GLI2: variants seen among roughly 807,000 people sequenced by gnomAD.
GLI2 encodes transcription activator GLI2.
In GLI2, 22 loss-of-function variants were observed where a neutral mutation model predicts 78.9. That is an observed-to-expected ratio of 0.28 (90% CI 0.20 to 0.40). GLI2 has a LOEUF of 0.40. GLI2 is among the 10% of genes least tolerant of loss of function. GLI2 has a pLI of 1.00. For missense variants in GLI2, 2,097 were observed against 2,213.2 expected, an observed-to-expected ratio of 0.95 and a Z score of 1.05; for synonymous variants, 974 against 963.7, an observed-to-expected ratio of 1.01 and a Z score of -0.20.
intron 3 of GLI2, among the ~76,000 whole-genome samples, chr2:120,937,864 T>G (rs774978806): frequency 4.6e-5 from 7 of 152,198 alleles, no homozygotes; most frequent in Non-Finnish European, 1.0e-4. Flanking sequence ...AGAATCTCAC[T>G]GTGGAGGAGT....
chr2:120,751,287 C>A (rs1482159100), intron 1 of GLI2, among the ~76,000 whole-genome samples: 1 of 152,042 alleles, frequency 6.6e-6, no homozygotes, highest in Non-Finnish European at 1.5e-5. Flanking sequence ...ATCTTTTGGG[C>A]CTGTTTAATT....
intron 2 of GLI2, among the ~76,000 whole-genome samples, chr2:120,856,612 T>C (rs1573488211): frequency 2.0e-5 from 3 of 152,230 alleles, no homozygotes; most frequent in African/African-American, 7.2e-5. Context: ...CTGGCTCAGC[T>C]GCCTACAGAA....
intron 3 of GLI2, among the ~76,000 whole-genome samples, chr2:120,949,399 C>T (rs1413738418): frequency 2.6e-5 from 4 of 152,258 alleles, no homozygotes; most frequent in South Asian, 2.1e-4. Context: ...CCTCTGAGCA[C>T]CTGCATGACG....
chr2:120,777,449 G>A (rs538555547), intron 1 of GLI2, among the ~76,000 whole-genome samples: 1 of 152,188 alleles, frequency 6.6e-6, no homozygotes, highest in Admixed American at 6.5e-5. Context: ...CAGGCTTAGA[G>A]GGTGGGGGCC....
intron 2 of GLI2, among the ~76,000 whole-genome samples, chr2:120,805,918 A>T (rs537178809): frequency 8.5e-5 from 13 of 152,348 alleles, no homozygotes; most frequent in African/African-American, 3.1e-4. Flanking sequence ...CCAGGCATGC[A>T]CTATTAAATC....
intron 6 of GLI2, among the ~76,000 whole-genome samples, chr2:120,969,374 C>G (rs915292041): frequency 6.6e-6 from 1 of 152,150 alleles, no homozygotes; most frequent in Non-Finnish European, 1.5e-5. Context: ...CCCTTCTGTG[C>G]GGCTCTAGTC....
At chr2:120,880,224 G>A (rs1573527977) in intron 2 of GLI2, among the ~76,000 whole-genome samples, 1 of 152,312 alleles carries the variant, frequency 6.6e-6, no homozygotes, top group South Asian at 2.1e-4. Context: ...GTGGTCGCCA[G>A]CTTAGAGCCC....
At chr2:120,931,205 T>G (rs1679929936) in intron 3 of GLI2, among the ~76,000 whole-genome samples, 1 of 152,266 alleles carries the variant, frequency 6.6e-6, no homozygotes, top group African/African-American at 2.4e-5. Flanking sequence ...TGGTTCCTTC[T>G]GGAGGCTCCA....
chr2:120,764,028 A>T (rs1364023458), intron 1 of GLI2, among the ~76,000 whole-genome samples: 1 of 152,208 alleles, frequency 6.6e-6, no homozygotes, highest in Non-Finnish European at 1.5e-5. Context: ...TCCCAAGAAG[A>T]GCCACACTGG....
chr2:120,794,023 G>A (rs568210981), intron 1 of GLI2, among the ~76,000 whole-genome samples: 8 of 152,344 alleles, frequency 5.3e-5, no homozygotes, highest in South Asian at 4.1e-4. Flanking sequence ...TTTTGGGTCC[G>A]TTCTTCACGG....
chr2:120,841,888 T>TGTGTGTGTGTGTGAGA (rs768879101), intron 2 of GLI2, among the ~76,000 whole-genome samples: 6 of 150,790 alleles, frequency 4.0e-5, no homozygotes, highest in Admixed American at 1.3e-4. Flanking sequence ...TGTGTGTGTG[T>TGTGTGTGTGTGTGAGA]GATGCTGGGC....
intron 2 of GLI2, among the ~76,000 whole-genome samples, chr2:120,805,951 C>T (rs976275058): frequency 3.3e-5 from 5 of 152,156 alleles, no homozygotes; most frequent in Admixed American, 1.3e-4. Context: ...CATTCCTGTC[C>T]GGAATTATTT....
At chr2:120,841,848 GGTGTGTGTGTGTGTGTGTGTGTGT>G (rs555474895) in intron 2 of GLI2, among the ~76,000 whole-genome samples, 1 of 132,634 alleles carries the variant, frequency 7.5e-6, no homozygotes, top group African/African-American at 2.8e-5. Context: ...CAGTCTGGAG[GGTGTGTGTGTGTGTGTGTGTGTGT>G]GTGTGTGTGT....
chr2:120,924,842 GTCC>G (rs1679581940), intron 2 of GLI2, among the ~76,000 whole-genome samples: 1 of 152,208 alleles, frequency 6.6e-6, no homozygotes, highest in South Asian at 2.1e-4. Flanking sequence ...AGTGCTACTT[GTCC>G]TCCTCAGCAG....
chr2:120,959,619 A>G (rs781233948), intron 5 of GLI2, among the ~76,000 whole-genome samples: 2 of 152,164 alleles, frequency 1.3e-5, no homozygotes, highest in African/African-American at 4.8e-5. Context: ...GAGACGCTGA[A>G]CACAACACCT....
At chr2:120,754,311 GT>G (rs1167919944) in intron 1 of GLI2, among the ~76,000 whole-genome samples, 5 of 151,744 alleles carry the variant, frequency 3.3e-5, no homozygotes, top group East Asian at 1.9e-4. Flanking sequence ...TTTCAGCGGA[GT>G]TTTTTTTTAA....
chr2:120,753,915 C>CA (rs1164921224), intron 1 of GLI2, among the ~76,000 whole-genome samples: 6,798 of 64,204 alleles, frequency 0.11, 233 homozygotes, highest in African/African-American at 0.14. Flanking sequence ...GACTCCATCT[C>CA]AAAAAAAAAA....
intron 2 of GLI2, among the ~76,000 whole-genome samples, chr2:120,813,024 C>T (rs1252527027): frequency 3.3e-5 from 5 of 152,152 alleles, no homozygotes; most frequent in South Asian, 2.1e-4. Context: ...CCCAGCACTG[C>T]GAGGTCCCCA....
At chr2:120,758,201 C>T (rs1391753176) in intron 1 of GLI2, among the ~76,000 whole-genome samples, 3 of 152,196 alleles carry the variant, frequency 2.0e-5, no homozygotes, top group Non-Finnish European at 2.9e-5. Context: ...GACTAGGCCT[C>T]ACAGAACATC....
Sources: gnomAD v4.1 joint callset for allele counts (sites outside exome capture counted in the v4.1 genomes callset) on GRCh38, gnomAD v4.1.1 for gene constraint, MANE v1.5 for transcripts, NCBI Gene and HGNC (gene_info 2026-07-23, HGNC 2026-07-21) for gene names.